The following FBXO8 variants were observed in gnomAD, a reference collection of about 807,000 sequenced individuals.
FBXO8 encodes F-box only protein 8.
Under a neutral mutation model 33.4 loss-of-function variants are expected in FBXO8, and 15 were observed. The observed-to-expected ratio is 0.45, with a 90% confidence interval of 0.30 to 0.69. FBXO8 has a LOEUF of 0.69. FBXO8 is among the 30% of genes least tolerant of loss of function. The pLI, the probability that FBXO8 is intolerant of heterozygous loss-of-function variation, is 0.08. For synonymous variants in FBXO8, 132 were observed against 131.5 expected, an observed-to-expected ratio of 1.00 and a Z score of -0.02; for missense variants, 274 against 380.3, an observed-to-expected ratio of 0.72 and a Z score of 2.32.
chr4:174,242,148 C>T (rs1432939084), intron 3 of FBXO8, among the ~76,000 whole-genome samples: 2 of 151,588 alleles, frequency 1.3e-5, no homozygotes, highest in African/African-American at 4.8e-5. Context: ...TGGATACTAG[C>T]ACACTATGTG....
chr4:174,253,734 G>A lies in FBXO8; in HGVS notation c.456+5965C>T, dbSNP rs10434410. 1.2e-4 allele frequency among the ~76,000 whole-genome samples: 18 copies of A among 152,180 alleles called. No homozygotes were observed. The highest frequency in any genetic ancestry group is 2.2e-4 in the Non-Finnish European group (15 of 68,006). ...ATTCGCTAGTGCTCTAGGGGTGCTC[G>A]TGTGATTCAATTATGTTCTATAAGA... On this transcript the variant is annotated intron_variant, in intron 3 of 5. Transcript: ENST00000393674. The surrounding 1 kb of genome is among the most constrained non-coding windows in gnomAD (Gnocchi z 4.5).
chr4:174,267,466 G>A lies in FBXO8; in HGVS notation c.-8-4366C>T, dbSNP rs140042756. On this transcript the variant is annotated intron_variant, in intron 1 of 5. Transcript: ENST00000393674. The surrounding 1 kb of genome is among the most constrained non-coding windows in gnomAD (Gnocchi z 4.7). ...GGAGTCTGAGGCAGGAAGATCACTT[G>A]AGCTCAGGAGTTTGAGGTTATAGTG... 1.3e-3 allele frequency among the ~76,000 whole-genome samples: 202 copies of A among 152,266 alleles called. No homozygotes were observed. Among genetic ancestry groups the A allele is most frequent in the African/African-American group, 4.0e-3 (167 of 41,544 alleles).
At chr4:174,243,571 C>T (rs1038616336) in intron 3 of FBXO8, among the ~76,000 whole-genome samples, 6 of 144,056 alleles carry the variant, frequency 4.2e-5, no homozygotes, top group African/African-American at 1.2e-4. Context: ...CAATCACTTT[C>T]GCACCAACGT....
chr4:174,283,202 A>T lies in FBXO8; in HGVS notation c.-9+208T>A, dbSNP rs1737180549. ...GCCTAGAAACAGAAGGAACACACCCAGTTCCGCCTCCTGACAGTGATTCCT... is the reference window on the plus strand; with the variant it reads ...GCCTAGAAACAGAAGGAACACACCCTGTTCCGCCTCCTGACAGTGATTCCT... On this transcript the variant is annotated intron_variant, in intron 1 of 5. Transcript: ENST00000393674. The surrounding 1 kb of genome is among the most constrained non-coding windows in gnomAD (Gnocchi z 6.7). Among the ~76,000 whole-genome samples, 1 of 152,208 alleles carries T rather than the reference A, an allele frequency of 6.6e-6. No individual in the cohort carries two copies. The highest frequency in any genetic ancestry group is 2.4e-5 in the African/African-American group (1 of 41,444).
Position 174,237,467 on chromosome 4 carries a change from T to C in FBXO8, c.905A>G (p.Asp302Gly). 6.2e-7 allele frequency: 1 copy of C among 1,613,724 alleles called. No homozygotes were observed. Among genetic ancestry groups the C allele is most frequent in the East Asian group, 2.2e-5 (1 of 44,858 alleles). ...TRRAAQNISE[D>G]FVGHLYDNIY... ...ATTGTCATAAAGATGCCCTACAAAA[T>C]CTTCACTAATATTTTGAGCAGCGCG... The change falls in exon 6 of 6, where the codon GAT (aspartate) becomes GGT (glycine). Residue 302 changes from aspartate (D) to glycine (G), a missense_variant. By Grantham distance (94) the Asp-to-Gly change is moderately conservative. Around this residue, in one of 2 missense-constraint regions of FBXO8, gnomAD observed 186 missense variants for 293.4 expected, o/e 0.63. Coordinates refer to ENST00000393674, the MANE Select transcript of FBXO8 (RefSeq NM_012180.3). The surrounding 1 kb of genome is among the most constrained non-coding windows in gnomAD (Gnocchi z 4.4).
intron 3 of FBXO8, among the ~76,000 whole-genome samples, chr4:174,243,579 C>T (rs1023251425): frequency 4.7e-5 from 7 of 147,578 alleles, no homozygotes; most frequent in African/African-American, 9.8e-5. Flanking sequence ...TTCGCACCAA[C>T]GTACAATTAA....
In FBXO8 at chr4:174,278,981, C is replaced by G. The variant is rs1422417928; in HGVS notation, c.-9+4429G>C. On this transcript the variant is annotated intron_variant, in intron 1 of 5. Coordinates refer to ENST00000393674, the MANE Select transcript of FBXO8 (RefSeq NM_012180.3). The surrounding 1 kb of genome is among the most constrained non-coding windows in gnomAD (Gnocchi z 4.1). Reference sequence around the variant, plus strand: ...AAATTTTGAGGTCTCAGTTTCCTCCCCTGTAAAATAAGGGTTTTGAAACTG... The same window carrying G: ...AAATTTTGAGGTCTCAGTTTCCTCCGCTGTAAAATAAGGGTTTTGAAACTG... Among the ~76,000 whole-genome samples the G allele has an allele frequency of 6.6e-6, 1 of 151,924 alleles. No homozygotes were observed. Among genetic ancestry groups the G allele is most frequent in the African/African-American group, 2.4e-5 (1 of 41,374 alleles).
At chr4:174,240,580 C>A (rs1420855969) in intron 4 of FBXO8, among the ~76,000 whole-genome samples, 1 of 45,768 alleles carries the variant, frequency 2.2e-5, no homozygotes, top group Non-Finnish European at 4.2e-5. Context: ...AGCATACTAA[C>A]CATCATCTCT....
At chr4:174,248,566 C>A (rs1736213401) in intron 3 of FBXO8, among the ~76,000 whole-genome samples, 2 of 152,046 alleles carry the variant, frequency 1.3e-5, no homozygotes, top group African/African-American at 4.8e-5. Context: ...CACACACTGT[C>A]CACACTGAAG....
At chr4:174,268,222 G>A (rs189808879) in intron 1 of FBXO8, among the ~76,000 whole-genome samples, 1 of 152,120 alleles carries the variant, frequency 6.6e-6, no homozygotes, top group East Asian at 1.9e-4. Flanking sequence ...TTCATTAACT[G>A]ATCAATACAT....
chr4:174,280,086 A>G (rs1469481666), intron 1 of FBXO8, among the ~76,000 whole-genome samples: 2 of 152,150 alleles, frequency 1.3e-5, no homozygotes, highest in African/African-American at 4.8e-5. Context: ...ATATTTGAAA[A>G]TCATGTATCT....
chr4:174,248,205 C>T (rs1384580549), intron 3 of FBXO8, among the ~76,000 whole-genome samples: 2 of 152,032 alleles, frequency 1.3e-5, no homozygotes, highest in African/African-American at 4.8e-5. Context: ...CTATGTTTAA[C>T]ACTGACCTTG....
intron 3 of FBXO8, among the ~76,000 whole-genome samples, chr4:174,246,289 A>C (rs576237453): frequency 2.0e-5 from 3 of 152,186 alleles, no homozygotes; most frequent in African/African-American, 7.2e-5. Context: ...CCTGAGCCTC[A>C]GTTTCCTAAT....
At chr4:174,238,487 C>T (rs1653870816) in intron 5 of FBXO8, among the ~76,000 whole-genome samples, 1 of 151,230 alleles carries the variant, frequency 6.6e-6, no homozygotes, top group Admixed American at 6.6e-5. Context: ...TGAATTGAAA[C>T]AATATGTAGA....
In FBXO8 at chr4:174,259,530, A is replaced by C. The variant is rs1459969328; in HGVS notation, c.456+169T>G. Among the ~76,000 whole-genome samples the C allele has an allele frequency of 6.6e-6, 1 of 152,108 alleles. No individual in the cohort carries two copies. The highest frequency in any genetic ancestry group is 2.4e-5 in the African/African-American group (1 of 41,444). On this transcript the variant is annotated intron_variant, in intron 3 of 5. Coordinates refer to ENST00000393674, the MANE Select transcript of FBXO8 (RefSeq NM_012180.3). This position sits in a 1 kb window ranked among gnomAD's most constrained non-coding sequence, Gnocchi z 4.3. ...GTTAGAACGTGACATGGTAAGGCGA[A>C]GAAAAATGACTATGTCACATAGCAA...
Position 174,263,207 on chromosome 4 carries a change from T to G in FBXO8, c.-8-107A>C, listed in dbSNP as rs1262976660. 3 of 1,053,984 alleles carry G rather than the reference T, an allele frequency of 2.8e-6. No homozygotes were observed. Among genetic ancestry groups the G allele is most frequent in the Non-Finnish European group, 4.0e-6 (3 of 741,920 alleles). 65.3% of individuals were successfully genotyped at this position (1,053,984 alleles called of 1,614,324 possible). A position where few individuals can be genotyped will look rare whatever the true frequency, so the allele number is the denominator to read the frequency against. On this transcript the variant is annotated intron_variant, in intron 1 of 5. Coordinates refer to ENST00000393674, the MANE Select transcript of FBXO8 (RefSeq NM_012180.3). This position sits in a 1 kb window ranked among gnomAD's most constrained non-coding sequence, Gnocchi z 4.2. ...AGCATTCATTTATCAGAATTAAAACTTCTCATTAAAACCTACTAAAACCAG... is the reference window on the plus strand; with the variant it reads ...AGCATTCATTTATCAGAATTAAAACGTCTCATTAAAACCTACTAAAACCAG...
At position 174,257,522 on chromosome 4, in the gene FBXO8, C is replaced by T. The variant is rs1324397174; in HGVS notation, c.456+2177G>A. 6.6e-6 allele frequency among the ~76,000 whole-genome samples: 1 copy of T among 152,042 alleles called. No individual in the cohort carries two copies. Among genetic ancestry groups the T allele is most frequent in the Non-Finnish European group, 1.5e-5 (1 of 68,004 alleles). On this transcript the variant is annotated intron_variant, in intron 3 of 5. Coordinates refer to ENST00000393674, the MANE Select transcript of FBXO8 (RefSeq NM_012180.3). This position sits in a 1 kb window ranked among gnomAD's most constrained non-coding sequence, Gnocchi z 4.3. Reference sequence around the variant, plus strand: ...AGCCAGCATGCCTTGATTAAATGGGCATAATAAGACTGGGGCTTAAAACAG... The same window carrying T: ...AGCCAGCATGCCTTGATTAAATGGGTATAATAAGACTGGGGCTTAAAACAG...
Position 174,237,174 on chromosome 4 carries a change from C to G in FBXO8, c.*238G>C, listed in dbSNP as rs147830690. 1,795 of 421,806 alleles carry G rather than the reference C, an allele frequency of 4.3e-3. 8 individuals are homozygous for G. The highest frequency in any genetic ancestry group is 0.012 in the Middle Eastern group (19 of 1,600). 26.1% of individuals were successfully genotyped at this position (421,806 alleles called of 1,614,324 possible). A position where few individuals can be genotyped will look rare whatever the true frequency, so the allele number is the denominator to read the frequency against. On this transcript the variant is annotated 3_prime_UTR_variant, in exon 6 of 6. Coordinates refer to ENST00000393674, the MANE Select transcript of FBXO8 (RefSeq NM_012180.3). This position sits in a 1 kb window ranked among gnomAD's most constrained non-coding sequence, Gnocchi z 4.4. ...ATCATTCGTTAACAGCTGTGTTAGA[C>G]AGTGGCTCTGCTTTGTGCAAAACGT...
rs994592676 is a variant in FBXO8, at chr4:174,270,963, A to G, written c.-8-7863T>C. On this transcript the variant is annotated intron_variant, in intron 1 of 5. Coordinates refer to ENST00000393674, the MANE Select transcript of FBXO8 (RefSeq NM_012180.3). The surrounding 1 kb of genome is among the most constrained non-coding windows in gnomAD (Gnocchi z 4.6). ...ATGATTTGCAATTTGTAAGATATCA[A>G]TTGGACAGGAAACAGAAGAAACAAT... Among the ~76,000 whole-genome samples the G allele has an allele frequency of 6.6e-6, 1 of 152,218 alleles. No individual in the cohort carries two copies. The highest frequency in any genetic ancestry group is 2.4e-5 in the African/African-American group (1 of 41,462).
Sources: gnomAD v4.1 joint callset for allele counts (sites outside exome capture counted in the v4.1 genomes callset) on GRCh38, gnomAD v4.1.1 for gene constraint, gnomAD v4.1.1 regional missense constraint, Gnocchi (gnomAD v3.1) non-coding constraint, MANE v1.5 for transcripts, NCBI Gene and HGNC (gene_info 2026-07-23, HGNC 2026-07-21) for gene names.